The following CHL1 variants were observed in gnomAD, a reference collection of about 807,000 sequenced individuals.
CHL1 encodes the protein cell adhesion molecule L1 like.
A neutral mutation model predicts 141.9 loss-of-function variants in CHL1; 96 were observed. The observed-to-expected ratio is 0.68, with a 90% CI of 0.57 to 0.80. CHL1 has a LOEUF of 0.80. CHL1 is among the 30% of genes least tolerant of loss of function. The pLI, the probability that CHL1 is intolerant of heterozygous loss-of-function variation, is 0.00. For synonymous variants in CHL1, 613 were observed against 502.2 expected, an observed-to-expected ratio of 1.22 and a Z score of -2.95; for missense variants, 1,820 against 1,457.2, an observed-to-expected ratio of 1.25 and a Z score of -4.05.
intron 8 of CHL1, among the ~76,000 whole-genome samples, chr3:343,400 G>T (rs901155420): frequency 6.6e-6 from 1 of 152,158 alleles, no homozygotes; most frequent in Non-Finnish European, 1.5e-5. Flanking sequence ...AAAACACTGC[G>T]TTTAAGAAAG....
At chr3:390,650 C>A in intron 20 of CHL1, 51 bp from the exon 21 acceptor site, 1 of 1,085,812 alleles carries the variant, frequency 9.2e-7, no homozygotes, top group Non-Finnish European at 1.4e-6. Flanking sequence ...AGGATCCTAA[C>A]AATCACATTT....
At chr3:360,015 G>A (rs1704077653) in intron 11 of CHL1, among the ~76,000 whole-genome samples, 1 of 152,154 alleles carries the variant, frequency 6.6e-6, no homozygotes, top group Admixed American at 6.5e-5. Context: ...ATAGTGCCAT[G>A]AGTATAGGTA....
chr3:200,038 C>T lies in CHL1; in HGVS notation c.-175+2975C>T, dbSNP rs553154620. Among the ~76,000 whole-genome samples, 7 of 152,114 alleles carry T rather than the reference C, an allele frequency of 4.6e-5. No individual in the cohort carries two copies. In the South Asian group the frequency reaches 6.2e-4, roughly 14 times the overall value. On this transcript the variant is annotated intron_variant, in intron 1 of 27. Coordinates refer to ENST00000256509, the MANE Select transcript of CHL1 (RefSeq NM_006614.4). Reference sequence around the variant, plus strand: ...CTCATCCTCACTGTGAATATGTCATCTTTAAAAGGTACCTTGAGGAATTAG... The same window carrying T: ...CTCATCCTCACTGTGAATATGTCATTTTTAAAAGGTACCTTGAGGAATTAG...
At chr3:228,246 G>C (rs17009028) in intron 1 of CHL1, among the ~76,000 whole-genome samples, 1 of 152,176 alleles carries the variant, frequency 6.6e-6, no homozygotes, top group Non-Finnish European at 1.5e-5. Flanking sequence ...AATGTTTGAA[G>C]AATCTTTTAT....
chr3:360,546 C>T, intron 12 of CHL1, 122 bp downstream of exon 12: 1 of 967,882 alleles, frequency 1.0e-6, no homozygotes, highest in Admixed American at 2.6e-5. Context: ...AACTACTTTT[C>T]ACCATACATT....
At chr3:357,690 G>A (rs1480043652) in intron 11 of CHL1, among the ~76,000 whole-genome samples, 1 of 152,194 alleles carries the variant, frequency 6.6e-6, no homozygotes, top group Non-Finnish European at 1.5e-5. Context: ...CTTGAATCCT[G>A]GGAGCTTCTG....
At chr3:258,275 T>G (rs1694365421) in intron 2 of CHL1, among the ~76,000 whole-genome samples, 1 of 152,226 alleles carries the variant, frequency 6.6e-6, no homozygotes, top group Non-Finnish European at 1.5e-5. Flanking sequence ...CATAGAATTA[T>G]GAGTCATGTG....
At chr3:340,703 G>A in intron 5 of CHL1, 91 bp from the exon 6 acceptor site, 1 of 1,110,250 alleles carries the variant, frequency 9.0e-7, no homozygotes, top group South Asian at 1.6e-5. Flanking sequence ...TTAAATTGCT[G>A]AATTTTGAAA....
At position 349,408 on chromosome 3, in the gene CHL1, G is replaced by C. The variant is rs1188161234; in HGVS notation, c.898G>C (p.Gly300Arg). The C allele has an allele frequency of 1.2e-6, 2 of 1,613,790 alleles. No individual in the cohort carries two copies. Among genetic ancestry groups the C allele is most frequent in the South Asian group, 1.1e-5 (1 of 91,092 alleles). The change falls in exon 10 of 28, where the codon GGG (glycine) becomes CGG (arginine). Residue 300 changes from glycine (G) to arginine (R), a missense_variant. Physicochemically the swap from Gly to Arg is moderately radical, Grantham distance 125. Transcript: ENST00000256509. ...CAAAATTGGTGGTGACTTACCAAAG[G>C]GGAGAGAAACAAAAGAAAATTATGG... is the stretch of plus-strand genomic sequence containing the variant. Reference protein sequence around the residue: ...WNKIGGDLPKGRETKENYGKT... With the variant: ...WNKIGGDLPKRRETKENYGKT...
At chr3:346,258 C>A (rs1702762521) in intron 9 of CHL1, among the ~76,000 whole-genome samples, 1 of 152,118 alleles carries the variant, frequency 6.6e-6, no homozygotes. Flanking sequence ...TGTGTATTTA[C>A]ATAAATTAGT....
intron 2 of CHL1, among the ~76,000 whole-genome samples, chr3:315,252 G>A (rs1029903393): frequency 1.3e-5 from 2 of 152,106 alleles, no homozygotes; most frequent in African/African-American, 4.8e-5. Context: ...AGTTTGTACA[G>A]CTGAGTGAGC....
At chr3:294,413 G>A (rs1697995699) in intron 2 of CHL1, among the ~76,000 whole-genome samples, 1 of 152,128 alleles carries the variant, frequency 6.6e-6, no homozygotes, top group Non-Finnish European at 1.5e-5. Flanking sequence ...AAATTAATCA[G>A]GACCTTCCCA....
rs369311760 is a variant in CHL1 at position 231,723 on chromosome 3, C to T, written c.-174-12890C>T. Among the ~76,000 whole-genome samples, 13 of 151,692 alleles carry T rather than the reference C, an allele frequency of 8.6e-5. No homozygotes were observed. The East Asian group carries it at 1.2e-3, about 14-fold the overall frequency. On this transcript the variant is annotated intron_variant, in intron 1 of 27. Coordinates refer to ENST00000256509, the MANE Select transcript of CHL1 (RefSeq NM_006614.4). The stretch of plus-strand genomic sequence containing the variant: ...TCCTGAGTAGCTGGGATTACAGGTG[C>T]CTGCCACCATGCCTGGCTAATTTTT...
At chr3:259,804 C>T (rs1326425397) in intron 2 of CHL1, among the ~76,000 whole-genome samples, 2 of 152,122 alleles carry the variant, frequency 1.3e-5, no homozygotes, top group African/African-American at 4.8e-5. Context: ...ATTGCATATT[C>T]AGATTTTTGG....
chr3:398,163 ATTT>A, intron 24 of CHL1, 61 bp from the exon 25 acceptor site: 1 of 1,185,270 alleles, frequency 8.4e-7, no homozygotes, highest in Non-Finnish European at 1.2e-6. Context: ...TAACAACAAT[ATTT>A]TTTTATGTCC....
At chr3:345,109 TA>T (rs1702654264) in intron 9 of CHL1, among the ~76,000 whole-genome samples, 1 of 152,226 alleles carries the variant, frequency 6.6e-6, no homozygotes, top group Admixed American at 6.5e-5. Flanking sequence ...AACAGGCTCA[TA>T]AAATTAGATC....
intron 3 of CHL1, among the ~76,000 whole-genome samples, chr3:324,450 A>C (rs538946734): frequency 6.6e-6 from 1 of 152,086 alleles, no homozygotes; most frequent in African/African-American, 2.4e-5. Context: ...TTGAGTGCTC[A>C]TCAGCAGTAG....
Position 367,833 on chromosome 3 carries a change from C to T in CHL1, c.1751+1718C>T, listed in dbSNP as rs1037447182. Among the ~76,000 whole-genome samples the T allele has an allele frequency of 1.4e-4, 22 of 152,140 alleles. No homozygotes were observed. The East Asian group carries it at 4.3e-3, about 29-fold the overall frequency. On this transcript the variant is annotated intron_variant, in intron 15 of 27. Transcript: ENST00000256509. ...AGTCCCTGGTATGTGTGATTCACCT[C>T]TCTGTGTCCATATGTTCTCATTGTT... is the stretch of plus-strand genomic sequence containing the variant.
intron 2 of CHL1, among the ~76,000 whole-genome samples, chr3:252,361 G>GATATGT (rs1693769527): frequency 1.8e-5 from 1 of 54,274 alleles, no homozygotes; most frequent in South Asian, 9.9e-4. Flanking sequence ...AAAGCATCCA[G>GATATGT]ATATATATAT....
Sources: gnomAD v4.1 joint callset for allele counts (sites outside exome capture counted in the v4.1 genomes callset) on GRCh38, gnomAD v4.1.1 for gene constraint, MANE v1.5 for transcripts, NCBI Gene and HGNC (gene_info 2026-07-23, HGNC 2026-07-21) for gene names.